POU2F3: variants seen among roughly 807,000 people sequenced by gnomAD.
The protein encoded by POU2F3 is POU class 2 homeobox 3, also known as POU domain, class 2, transcription factor 3.
In POU2F3, 23 loss-of-function variants were observed where a neutral mutation model predicts 59.2. The ratio of observed to expected loss-of-function variants is 0.39; its 90% CI spans 0.28 to 0.55. POU2F3 has a LOEUF of 0.55. Among genes scored for constraint, POU2F3 ranks in the 20% least tolerant of loss-of-function variants. The pLI is 0.66. For missense variants in POU2F3, 473 were observed against 544.5 expected, an observed-to-expected ratio of 0.87 and a Z score of 1.31; for synonymous variants, 190 against 214.6, an observed-to-expected ratio of 0.89 and a Z score of 1.00.
intron 3 of POU2F3, among the ~76,000 whole-genome samples, chr11:120,282,357 T>C (rs937555423): frequency 5.3e-5 from 8 of 152,190 alleles, no homozygotes; most frequent in Non-Finnish European, 5.9e-5. Context: ...AGAGAATCTG[T>C]GTTTAAAGAA....
At chr11:120,288,689 G>T (rs1454025342) in intron 3 of POU2F3, among the ~76,000 whole-genome samples, 2 of 152,110 alleles carry the variant, frequency 1.3e-5, no homozygotes, top group Non-Finnish European at 2.9e-5. Flanking sequence ...GTACAAGTGA[G>T]GTCTGTGGGC....
intron 10 of POU2F3, among the ~76,000 whole-genome samples, chr11:120,313,474 C>G (rs779070001): frequency 2.0e-5 from 3 of 152,202 alleles, no homozygotes; most frequent in Non-Finnish European, 4.4e-5. Flanking sequence ...AGAAAATTTT[C>G]TGATCCTATC....
chr11:120,288,829 T>TACGAAC (rs1394927038), intron 3 of POU2F3, among the ~76,000 whole-genome samples: 1 of 149,918 alleles, frequency 6.7e-6, no homozygotes, highest in Admixed American at 6.6e-5. Context: ...ATGTATTACA[T>TACGAAC]ATGTACATGT....
At chr11:120,296,432 A>G (rs898853255) in intron 3 of POU2F3, among the ~76,000 whole-genome samples, 1 of 152,206 alleles carries the variant, frequency 6.6e-6, no homozygotes, top group African/African-American at 2.4e-5. Flanking sequence ...GTTCAGGGGT[A>G]CATGTCCAGG....
At chr11:120,298,227 A>T in intron 3 of POU2F3, 38 bp from the exon 4 acceptor site, 1 of 1,590,090 alleles carries the variant, frequency 6.3e-7, no homozygotes, top group South Asian at 1.1e-5. Context: ...GCCTGACGGG[A>T]TCCAGCACTG....
chr11:120,309,548 G>C lies in POU2F3; in HGVS notation c.1030G>C (p.Ala344Pro). ...GGAGAAGCGAATCAACTGCCCTGTG[G>C]CCACACCCATCAAACCACCTGTCTA... The part of the protein sequence containing the change: ...QKEKRINCPV[A>P]TPIKPPVYNS... The change falls in exon 10 of 13, where the codon GCC becomes CCC. Residue 344 changes from alanine to proline, a missense_variant. Ala to Pro is a conservative substitution (Grantham distance 27). Transcript: ENST00000543440. The C allele has an allele frequency of 6.2e-7, 1 of 1,614,092 alleles. No individual in the cohort carries two copies.
At chr11:120,267,344 G>C (rs971523086) in intron 2 of POU2F3, among the ~76,000 whole-genome samples, 33 of 152,224 alleles carry the variant, frequency 2.2e-4, no homozygotes, top group African/African-American at 7.7e-4. Context: ...GGCCAGGCTG[G>C]TCTCAAACTC....
chr11:120,295,780 T>C (rs1027641666), intron 3 of POU2F3, among the ~76,000 whole-genome samples: 1 of 152,156 alleles, frequency 6.6e-6, no homozygotes, highest in Non-Finnish European at 1.5e-5. Context: ...CAGGCAGCCA[T>C]GTTTTTTGAG....
At chr11:120,298,467 T>C (rs1052657271) in intron 4 of POU2F3, 77 bp downstream of exon 4, 58 of 1,583,416 alleles carry the variant, frequency 3.7e-5, no homozygotes, top group Non-Finnish European at 4.6e-5. Flanking sequence ...CCATGCTTGG[T>C]ACTCGTCTAA....
intron 3 of POU2F3, among the ~76,000 whole-genome samples, chr11:120,290,528 T>C (rs1940983161): frequency 6.6e-6 from 1 of 151,820 alleles, no homozygotes; most frequent in Non-Finnish European, 1.5e-5. Flanking sequence ...AAGGGAGGGG[T>C]CTGGAGGCCA....
intron 3 of POU2F3, among the ~76,000 whole-genome samples, chr11:120,280,429 A>C (rs1271472950): frequency 5.3e-5 from 8 of 152,228 alleles, no homozygotes; most frequent in Non-Finnish European, 1.5e-5. Context: ...GTGATATCTT[A>C]CTTGAGATTA....
At chr11:120,273,714 G>C (rs950896250) in intron 3 of POU2F3, among the ~76,000 whole-genome samples, 3 of 152,148 alleles carry the variant, frequency 2.0e-5, no homozygotes, top group African/African-American at 7.2e-5. Flanking sequence ...TACAGACAGA[G>C]CATGAAAGTT....
At chr11:120,239,477 C>T (rs1250410444), upstream of POU2F3, among the ~76,000 whole-genome samples, 2 of 152,186 alleles carry the variant, frequency 1.3e-5, no homozygotes, top group African/African-American at 2.4e-5. Flanking sequence ...TCCATCATCT[C>T]GTAGAGCCTC....
At chr11:120,309,664 G>T in intron 10 of POU2F3, 78 bp downstream of exon 10, 1 of 1,488,738 alleles carries the variant, frequency 6.7e-7, no homozygotes, top group South Asian at 1.2e-5. Context: ...TGGCTGCAGG[G>T]AAGAGGGGAG....
chr11:120,287,553 A>G (rs1183967809), intron 3 of POU2F3, among the ~76,000 whole-genome samples: 3 of 152,192 alleles, frequency 2.0e-5, no homozygotes, highest in Admixed American at 6.5e-5. Flanking sequence ...CCTTTTATAC[A>G]TAGGGAAACT....
intron 11 of POU2F3, among the ~76,000 whole-genome samples, chr11:120,315,935 C>A (rs138303135): frequency 8.1e-5 from 12 of 147,774 alleles, no homozygotes; most frequent in African/African-American, 3.0e-4. Context: ...TGCAATGGCA[C>A]GATCTCAGCT....
At chr11:120,263,761 TG>T (rs2135178286) in intron 2 of POU2F3, among the ~76,000 whole-genome samples, 1 of 152,302 alleles carries the variant, frequency 6.6e-6, no homozygotes, top group South Asian at 2.1e-4. Flanking sequence ...TGGCCATATG[TG>T]TTCTGTCCTT....
upstream of POU2F3, among the ~76,000 whole-genome samples, chr11:120,239,125 C>T (rs1364661150): frequency 6.6e-6 from 1 of 152,180 alleles, no homozygotes; most frequent in East Asian, 1.9e-4. Flanking sequence ...AGCCCAAAAC[C>T]TGTTCTGTGC....
At chr11:120,283,932 A>G (rs953142964) in intron 3 of POU2F3, among the ~76,000 whole-genome samples, 1 of 135,960 alleles carries the variant, frequency 7.4e-6, no homozygotes, top group African/African-American at 2.7e-5. Context: ...GTGTGTTCTA[A>G]ATAAATGCAT....
Sources: gnomAD v4.1 joint callset for allele counts (sites outside exome capture counted in the v4.1 genomes callset) on GRCh38, gnomAD v4.1.1 for gene constraint, MANE v1.5 for transcripts, NCBI Gene and HGNC (gene_info 2026-07-23, HGNC 2026-07-21) for gene names.